The following CLDN10 variants were observed in gnomAD, a reference collection of about 807,000 sequenced individuals.
CLDN10 encodes the protein claudin-10.
In CLDN10, 15 loss-of-function variants were observed where a neutral mutation model predicts 22.9. That is an observed-to-expected ratio of 0.65 (90% CI 0.44 to 1.01). The LOEUF is 1.01. CLDN10 is among the 50% of genes least tolerant of loss of function. The probability of loss-of-function intolerance (pLI) is 0.00; values close to 1 mark genes in which losing one functional copy is unlikely to be tolerated. For missense variants in CLDN10, 247 were observed against 287.8 expected (o/e 0.86, Z 1.03); for synonymous variants, 114 against 111.4 (o/e 1.02, Z -0.15).
chr13:95,490,968 G>A (rs1209867431), intron 1 of CLDN10, among the ~76,000 whole-genome samples: 1 of 152,154 alleles, frequency 6.6e-6, no homozygotes, highest in East Asian at 1.9e-4. Flanking sequence ...GTTTAGGATT[G>A]TGATAGCTTC....
At chr13:95,459,192 C>T (rs565382424) in intron 1 of CLDN10, among the ~76,000 whole-genome samples, 150 of 152,302 alleles carry the variant, frequency 9.8e-4, no homozygotes, top group African/African-American at 3.2e-3. Context: ...CACAGGCTGG[C>T]GTTGAGTGTC....
At chr13:95,556,533 T>G (rs2043641955) in intron 1 of CLDN10, among the ~76,000 whole-genome samples, 1 of 152,272 alleles carries the variant, frequency 6.6e-6, no homozygotes, top group Non-Finnish European at 1.5e-5. Context: ...CGGGATGCTT[T>G]GATGACTTTC....
intron 1 of CLDN10, among the ~76,000 whole-genome samples, chr13:95,498,092 A>G (rs969407029): frequency 5.3e-5 from 8 of 152,364 alleles, no homozygotes; most frequent in African/African-American, 1.9e-4. Flanking sequence ...TCCCAGGAGC[A>G]TTCAGAGTTA....
chr13:95,541,604 A>C (rs1451765481), intron 1 of CLDN10, among the ~76,000 whole-genome samples: 1 of 152,126 alleles, frequency 6.6e-6, no homozygotes, highest in East Asian at 1.9e-4. Context: ...TACTTCCTCT[A>C]TCACTAGATC....
At chr13:95,483,563 G>A (rs2042772266) in intron 1 of CLDN10, among the ~76,000 whole-genome samples, 1 of 152,144 alleles carries the variant, frequency 6.6e-6, no homozygotes, top group Non-Finnish European at 1.5e-5. Context: ...CTCTAAAGAG[G>A]CATTTCATGA....
chr13:95,553,805 A>C (rs1594607928), intron 1 of CLDN10, among the ~76,000 whole-genome samples: 1 of 152,126 alleles, frequency 6.6e-6, no homozygotes, highest in Middle Eastern at 3.2e-3. Context: ...CAGCTGGTGG[A>C]TATTCACACA....
At chr13:95,472,684 A>AT (rs892528751) in intron 1 of CLDN10, among the ~76,000 whole-genome samples, 19 of 151,554 alleles carry the variant, frequency 1.3e-4, no homozygotes, top group East Asian at 3.9e-4. Flanking sequence ...AAAAAAAAAA[A>AT]AATAGAGTGG....
chr13:95,562,194 A>C (rs1266974093), intron 3 of CLDN10, among the ~76,000 whole-genome samples: 1 of 151,840 alleles, frequency 6.6e-6, no homozygotes, highest in Non-Finnish European at 1.5e-5. Flanking sequence ...AGCCTCCCGA[A>C]GTGCTGGGAT....
At position 95,560,451 on chromosome 13, in the gene CLDN10, T is replaced by C. The variant is rs761005313; in HGVS notation, c.452T>C (p.Phe151Ser). The C allele has an allele frequency of 1.2e-6, 2 of 1,613,190 alleles. No homozygotes were observed. The highest frequency in any genetic ancestry group is 2.2e-5 in the South Asian group (2 of 91,060). Residue 151 changes from phenylalanine (F) to serine (S), a missense_variant, in exon 3 of 5, where the codon TTT (phenylalanine) becomes TCT (serine). Phe to Ser is a radical substitution (Grantham distance 155, BLOSUM62 -2). Transcript: ENST00000299339. ...ACAACGGAATTCTTTGATCCTCTCT[T>C]TGTTGAGCAAAAGTAAGTACTCTTC... ...KITTEFFDPL[F>S]VEQKYELGAA...
At chr13:95,488,766 C>G (rs1594556971) in intron 1 of CLDN10, among the ~76,000 whole-genome samples, 1 of 152,078 alleles carries the variant, frequency 6.6e-6, no homozygotes, top group Non-Finnish European at 1.5e-5. Flanking sequence ...ACCACAATCT[C>G]TTCATCCACT....
intron 1 of CLDN10, among the ~76,000 whole-genome samples, chr13:95,554,495 C>G (rs1237725627): frequency 6.6e-6 from 1 of 152,054 alleles, no homozygotes; most frequent in Admixed American, 6.5e-5. Context: ...TGGTACCATA[C>G]CTGTTTGGGG....
intron 1 of CLDN10, among the ~76,000 whole-genome samples, chr13:95,518,165 G>A (rs1335922314): frequency 6.6e-6 from 1 of 152,148 alleles, no homozygotes; most frequent in Non-Finnish European, 1.5e-5. Context: ...ATAGGGTTGT[G>A]AGGTTAGAAT....
At chr13:95,473,878 G>T (rs556551262) in intron 1 of CLDN10, among the ~76,000 whole-genome samples, 1 of 152,220 alleles carries the variant, frequency 6.6e-6, no homozygotes, top group Admixed American at 6.5e-5. Flanking sequence ...CCCTGAAGGG[G>T]CTCGCCCACA....
intron 1 of CLDN10, among the ~76,000 whole-genome samples, chr13:95,526,621 C>T (rs147341575): frequency 0.014 from 2,075 of 152,124 alleles, 32 homozygotes; most frequent in Middle Eastern, 0.031. Context: ...AACTCCGTCT[C>T]TATTAAAAAT....
intron 1 of CLDN10, among the ~76,000 whole-genome samples, chr13:95,517,545 AATTGTCAATGATG>A (rs1051572078): frequency 4.9e-4 from 74 of 152,370 alleles, no homozygotes; most frequent in Middle Eastern, 3.4e-3. Context: ...TTCTTCAGAA[AATTGTCAATGATG>A]ATTGTATCTT....
chr13:95,529,689 T>C (rs1169010393), intron 1 of CLDN10, among the ~76,000 whole-genome samples: 1 of 152,232 alleles, frequency 6.6e-6, no homozygotes, highest in East Asian at 1.9e-4. Context: ...TTTCTTTCCC[T>C]ACTTGTCTAC....
chr13:95,482,941 T>C (rs1236136409), intron 1 of CLDN10, among the ~76,000 whole-genome samples: 1 of 152,242 alleles, frequency 6.6e-6, no homozygotes, highest in Non-Finnish European at 1.5e-5. Flanking sequence ...ATCGTGCCAC[T>C]GTACTCCAGC....
chr13:95,560,491 G>C (rs746988094), intron 3 of CLDN10, 28 bp downstream of exon 3: 8 of 1,542,058 alleles, frequency 5.2e-6, no homozygotes, highest in African/African-American at 2.7e-5. Context: ...TCTGTTTCCA[G>C]CTCACAGGAA....
At chr13:95,466,448 C>A (rs1335256644) in intron 1 of CLDN10, among the ~76,000 whole-genome samples, 1 of 152,084 alleles carries the variant, frequency 6.6e-6, no homozygotes, top group Non-Finnish European at 1.5e-5. Context: ...TATAACAAGG[C>A]AGTGAGAACC....
Sources: gnomAD v4.1 joint callset for allele counts (sites outside exome capture counted in the v4.1 genomes callset) on GRCh38, gnomAD v4.1.1 for gene constraint, MANE v1.5 for transcripts, NCBI Gene and HGNC (gene_info 2026-07-23, HGNC 2026-07-21) for gene names.